Variants in FLT3 observed in about 807,000 individuals in gnomAD.
FLT3 encodes the protein receptor-type tyrosine-protein kinase FLT3.
Under a neutral mutation model 126.6 loss-of-function variants are expected in FLT3, and 46 were observed. The observed-to-expected ratio is 0.36, with a 90% CI of 0.29 to 0.46. The LOEUF (loss-of-function observed/expected upper bound fraction) is 0.46. Among genes scored for constraint, FLT3 ranks in the 20% least tolerant of loss-of-function variants. FLT3 has a pLI of 1.00. For missense variants in FLT3, 1,069 were observed against 1,190.3 expected (o/e 0.90, Z 1.50); for synonymous variants, 404 against 434.4 (o/e 0.93, Z 0.87).
intron 1 of FLT3, among the ~76,000 whole-genome samples, chr13:28,098,039 G>A (rs997447125): frequency 6.6e-6 from 1 of 152,144 alleles, no homozygotes; most frequent in Non-Finnish European, 1.5e-5. Context: ...GCATGGCCGG[G>A]TGTGGTGGCT....
intron 1 of FLT3, among the ~76,000 whole-genome samples, chr13:28,082,752 G>T (rs1878419272): frequency 1.3e-5 from 2 of 152,072 alleles, no homozygotes; most frequent in Non-Finnish European, 2.9e-5. Flanking sequence ...CGCCCAGGCT[G>T]GAGTGCAGTG....
At chr13:28,087,146 T>G (rs948651500) in intron 1 of FLT3, among the ~76,000 whole-genome samples, 1 of 152,214 alleles carries the variant, frequency 6.6e-6, no homozygotes, top group Non-Finnish European at 1.5e-5. Flanking sequence ...CATAGCTCAC[T>G]ACAGCCTTGA....
rs1459577331 is a variant in FLT3, at chr13:28,062,085, A to G, written c.166-16T>C. The G allele has an allele frequency of 6.2e-7, 1 of 1,603,344 alleles. No homozygotes were observed. The highest frequency in any genetic ancestry group is 8.5e-7 in the Non-Finnish European group (1 of 1,173,050). On this transcript the variant is annotated splice_polypyrimidine_tract_variant and intron_variant, in intron 2 of 23. Transcript: ENST00000241453. Reference sequence around the variant, plus strand: ...ATTCTGATACCTACGTTGCAGATAGAACAAAGTGAATTCATGAAAACTGCA... The same window carrying G: ...ATTCTGATACCTACGTTGCAGATAGGACAAAGTGAATTCATGAAAACTGCA...
chr13:28,015,510 G>C (rs745619215), intron 21 of FLT3, 80 bp downstream of exon 21: 54 of 779,850 alleles, frequency 6.9e-5, no homozygotes, highest in Middle Eastern at 3.2e-4. Context: ...ATCAGTGTTG[G>C]GGGGAGGGGT....
At chr13:28,038,552 C>A (rs1874052337) in intron 9 of FLT3, among the ~76,000 whole-genome samples, 1 of 151,412 alleles carries the variant, frequency 6.6e-6, no homozygotes, top group African/African-American at 2.4e-5. Context: ...TCCCGGGTTC[C>A]CACCACTCTC....
rs1478807380 is a variant in FLT3 at position 28,027,180 on chromosome 13, A to G, written c.2115T>C (p.Ser705=). 3 of 1,612,604 alleles carry G rather than the reference A, an allele frequency of 1.9e-6. No homozygotes were observed. The highest frequency in any genetic ancestry group is 2.5e-6 in the Non-Finnish European group (3 of 1,178,762). The change falls in exon 17 of 24, where the codon AGT becomes AGC. Residue 705 remains serine, a synonymous_variant. Transcript: ENST00000241453. The part of the protein sequence containing the change: ...CYGDLLNYLR[S]KREKFHRTWT... ...AAGTCCTGTGAAATTTTTCTCTTTT[A>G]CTTCTTAGATAGTTGAGAAGATCAC...
rs1491457368 is a variant in FLT3 at position 28,077,095 on chromosome 13, GAA to G, written c.44-6485_44-6484del. The stretch of plus-strand genomic sequence containing the variant: ...GAAAAGAAAGAAAGAAAGAAAAAGA[GAA>G]AAAGAAAGAGAGAGAGAAAGAAAGA... On this transcript the variant is annotated intron_variant, in intron 1 of 23. Coordinates refer to ENST00000241453, the MANE Select transcript of FLT3 (RefSeq NM_004119.3). Among the ~76,000 whole-genome samples, 185 of 9,422 alleles carry G rather than the reference GAA, an allele frequency of 0.02. 2 individuals are homozygous for G. In the East Asian group the frequency reaches 0.21, roughly 11 times the overall value. 6.2% of individuals were successfully genotyped at this position (9,422 alleles called of 152,430 possible). A position where few individuals can be genotyped will look rare whatever the true frequency, so the allele number is the denominator to read the frequency against.
chr13:28,025,841 T>C (rs1872746575), intron 17 of FLT3, among the ~76,000 whole-genome samples: 2 of 152,226 alleles, frequency 1.3e-5, no homozygotes, highest in Admixed American at 6.5e-5. Flanking sequence ...CGGACGTGCA[T>C]GGGGATCTCC....
chr13:28,072,125 TA>T (rs1308359046), intron 1 of FLT3, among the ~76,000 whole-genome samples: 12 of 86,826 alleles, frequency 1.4e-4, no homozygotes, highest in Non-Finnish European at 2.9e-4. Flanking sequence ...GTACATCATG[TA>T]ATTTTCATAT....
At position 28,024,813 on chromosome 13, in the gene FLT3, T is replaced by C. The variant is rs200330884; in HGVS notation, c.2290+48A>G. 2.7e-4 allele frequency: 326 copies of C among 1,214,834 alleles called. 1 individual carries two copies. The East Asian group carries it at 7.6e-3, about 28-fold the overall frequency. The allele number at this position is 1,214,834 out of a possible 1,614,324, so 75.3% of individuals were successfully genotyped here. On this transcript the variant is annotated intron_variant, in intron 18 of 23. Coordinates refer to ENST00000241453, the MANE Select transcript of FLT3 (RefSeq NM_004119.3). ...TAAAAAATAGCTAACATAAAACTTT[T>C]GCATTCATTTCCATTTTAAAGTGCT...
At chr13:28,066,953 T>A (rs1470226340) in intron 2 of FLT3, among the ~76,000 whole-genome samples, 1 of 152,170 alleles carries the variant, frequency 6.6e-6, no homozygotes, top group African/African-American at 2.4e-5. Context: ...TGATCAAGGT[T>A]CACATCTTCA....
chr13:28,036,988 G>C (rs1474525840), intron 10 of FLT3, among the ~76,000 whole-genome samples, 197 bp downstream of exon 10: 1 of 152,022 alleles, frequency 6.6e-6, no homozygotes, highest in Non-Finnish European at 1.5e-5. Flanking sequence ...AAATGAAACA[G>C]AACAAAATAA....
At chr13:28,036,848 C>T (rs1367077554) in intron 10 of FLT3, among the ~76,000 whole-genome samples, 3 of 152,136 alleles carry the variant, frequency 2.0e-5, no homozygotes, top group East Asian at 1.9e-4. Flanking sequence ...AGCATGGTGG[C>T]GCGTGCCTGT....
intron 2 of FLT3, 27 bp from the exon 3 acceptor site, chr13:28,062,096 T>C: frequency 1.3e-6 from 2 of 1,592,528 alleles, no homozygotes; most frequent in Non-Finnish European, 1.7e-6. Flanking sequence ...ACAAAGTGAA[T>C]TCATGAAAAC....
chr13:28,012,961 G>A (rs1041390499), intron 23 of FLT3, among the ~76,000 whole-genome samples: 1 of 151,646 alleles, frequency 6.6e-6, no homozygotes, highest in African/African-American at 2.4e-5. Context: ...TGTATAGCTA[G>A]ACAGCTATAC....
chr13:28,077,984 G>A (rs181012494), intron 1 of FLT3, among the ~76,000 whole-genome samples: 4 of 152,324 alleles, frequency 2.6e-5, no homozygotes, highest in Non-Finnish European at 5.9e-5. Flanking sequence ...TCCAGGGCAT[G>A]CTGATGCAAG....
intron 8 of FLT3, 103 bp from the exon 9 acceptor site, chr13:28,048,546 A>G: frequency 1.2e-6 from 1 of 811,684 alleles, no homozygotes; most frequent in Non-Finnish European, 1.9e-6. Flanking sequence ...ACACAGGAAA[A>G]CTCAAGTGTT....
chr13:28,071,572 G>C (rs1448520176), intron 1 of FLT3, among the ~76,000 whole-genome samples: 1 of 152,026 alleles, frequency 6.6e-6, no homozygotes, highest in South Asian at 2.1e-4. Context: ...ATCTTTGACA[G>C]TCTCTTCACA....
At chr13:28,045,183 T>G (rs73154819) in intron 9 of FLT3, among the ~76,000 whole-genome samples, 2,775 of 152,272 alleles carry the variant, frequency 0.018, 79 homozygotes, top group African/African-American at 0.061. Flanking sequence ...ATGACCCATA[T>G]GTCAGTGACA....
Sources: allele counts gnomAD v4.1 joint callset (sites outside exome capture counted in the v4.1 genomes callset), GRCh38; gene constraint gnomAD v4.1.1; transcripts MANE v1.5; gene names NCBI Gene and HGNC (gene_info 2026-07-23, HGNC 2026-07-21).